The following FHL3 variants were observed in gnomAD, a reference collection of about 807,000 sequenced individuals.
FHL3 encodes the protein four and a half LIM domains protein 3.
In FHL3, 21 loss-of-function variants were observed where a neutral mutation model predicts 34.3. The observed-to-expected ratio is 0.61, with a 90% CI of 0.43 to 0.88. The LOEUF is 0.88. Ranked by LOEUF, FHL3 falls within the 40% of genes least tolerant of loss-of-function variation. FHL3 has a pLI of 0.00. For synonymous variants in FHL3, 137 were observed against 144.6 expected (o/e 0.95, Z 0.38); for missense variants, 333 against 373.7 (o/e 0.89, Z 0.90).
chr1:37,999,499 G>C (rs1646571895), intron 1 of FHL3, 67 bp from the exon 2 acceptor site: 1 of 1,479,240 alleles, frequency 6.8e-7, no homozygotes, highest in Non-Finnish European at 9.3e-7. Context: ...TGGCAAAGAG[G>C]CCTCTGCATT....
In FHL3 at chr1:38,004,906, C is replaced by T. The variant is rs914454917; in HGVS notation, c.-21+451G>A. On this transcript the variant is annotated intron_variant, in intron 1 of 5. Coordinates refer to ENST00000373016, the MANE Select transcript of FHL3 (RefSeq NM_004468.5). ...TGAAAATGCTCCACAAAGCCTAGGA[C>T]GGCCCCCATGCCTCGGGTCTGTCCA... Among the ~76,000 whole-genome samples the T allele has an allele frequency of 1.6e-4, 24 of 152,132 alleles. 1 individual carries two copies. Among genetic ancestry groups the T allele is most frequent in the Admixed American group, 1.4e-3 (21 of 15,284 alleles).
At chr1:37,998,153 A>C (rs1439376258) in intron 3 of FHL3, 21 bp from the exon 4 acceptor site, 1 of 1,611,750 alleles carries the variant, frequency 6.2e-7, no homozygotes, top group Admixed American at 1.7e-5. Flanking sequence ...CAGGGGTCCC[A>C]TTTAGAGGTT....
intron 1 of FHL3, among the ~76,000 whole-genome samples, chr1:38,001,449 T>C (rs994363844): frequency 6.6e-6 from 1 of 152,190 alleles, no homozygotes; most frequent in African/African-American, 2.4e-5. Flanking sequence ...CAGTCAGCAC[T>C]CCGAAACCAG....
In FHL3 at chr1:38,005,459, G is replaced by C. The variant is rs1288799637; in HGVS notation, c.-123C>G. 2 of 150,064 alleles carry C rather than the reference G, an allele frequency of 1.3e-5. No homozygotes were observed. Among genetic ancestry groups the C allele is most frequent in the Non-Finnish European group, 3.0e-5 (2 of 67,038 alleles). The allele number at this position is 150,064 out of a possible 1,614,324, so 9.3% of individuals were successfully genotyped here. A position where few individuals can be genotyped will look rare whatever the true frequency, so the allele number is the denominator to read the frequency against. ...CCTACCTGCGGGCCGGGCCAAGCGG[G>C]GGCCGAGCGAGCTGCCGGCGAGGCT... On this transcript the variant is annotated 5_prime_UTR_variant, in exon 1 of 6. Transcript: ENST00000373016.
intron 3 of FHL3, 161 bp downstream of exon 3, chr1:37,998,813 G>T: frequency 1.4e-6 from 1 of 691,682 alleles, no homozygotes; most frequent in Non-Finnish European, 2.4e-6. Flanking sequence ...GTAGCCCCCA[G>T]GAGTATACCA....
At chr1:38,003,198 C>T (rs751155030) in intron 1 of FHL3, among the ~76,000 whole-genome samples, 2 of 152,026 alleles carry the variant, frequency 1.3e-5, no homozygotes, top group Non-Finnish European at 2.9e-5. Flanking sequence ...CAACTCTGGG[C>T]TCAAGCAAAC....
chr1:37,998,087 C>G lies in FHL3; in HGVS notation c.377G>C (p.Cys126Ser). ...EYGGQTWHEH[C>S]FLCSGCEQPL... is the part of the protein sequence containing the mutation. ...CTGTTCACAGCCACTGCACAGGAAG[C>G]AGTGCTCATGCCATGTCTGGCCTCC... Residue 126 changes from cysteine (C) to serine (S), a missense_variant, in exon 4 of 6, where the codon TGC (cysteine) becomes TCC (serine). Cys to Ser is a moderately radical substitution (Grantham distance 112, BLOSUM62 -1). Transcript: ENST00000373016. 1 of 1,614,100 alleles carries G rather than the reference C, an allele frequency of 6.2e-7. No homozygotes were observed. Among genetic ancestry groups the G allele is most frequent in the Non-Finnish European group, 8.5e-7 (1 of 1,179,984 alleles).
chr1:37,997,430 T>C lies in FHL3; in HGVS notation c.818A>G (p.Gln273Arg). The change falls in exon 6 of 6, where the codon CAG (glutamine) becomes CGG (arginine). Residue 273 changes from glutamine to arginine, a missense_variant. Physicochemically the swap from Gln to Arg is conservative, Grantham distance 43. Coordinates refer to ENST00000373016, the MANE Select transcript of FHL3 (RefSeq NM_004468.5). The surrounding 1 kb of genome is among the most constrained non-coding windows in gnomAD (Gnocchi z 4.3). ...TTAGGGCCCTGCCTGGCTACAGCCC[T>C]GGCAGAGCACTTGGTCTCCATCCGG... ...FVPDGDQVLCQGCSQAGP is the reference protein window; with the variant it reads ...FVPDGDQVLCRGCSQAGP The C allele has an allele frequency of 6.2e-7, 1 of 1,613,918 alleles. No homozygotes were observed. The highest frequency in any genetic ancestry group is 8.5e-7 in the Non-Finnish European group (1 of 1,179,916).
At chr1:38,001,480 G>C (rs1646593802) in intron 1 of FHL3, among the ~76,000 whole-genome samples, 1 of 152,192 alleles carries the variant, frequency 6.6e-6, no homozygotes, top group Non-Finnish European at 1.5e-5. Context: ...ATAGGGTATG[G>C]GCATGGCTTC....
rs368545534 is a variant in FHL3 at position 37,997,868 on chromosome 1, C to T, written c.504G>A (p.Thr168=). The T allele has an allele frequency of 1.1e-5, 18 of 1,613,534 alleles. No individual in the cohort carries two copies. The highest frequency in any genetic ancestry group is 1.4e-5 in the Non-Finnish European group (17 of 1,179,654). ...FAPRCARCSK[T]LTQGGVTYRD... ...GGTATGTCACTCCACCCTGTGTCAG[C>T]GTCTGTGGGGGCAGCATCCATTAGT... The change falls in exon 5 of 6, where the codon ACG becomes ACA. Residue 168 remains threonine, a splice_region_variant and synonymous_variant. Transcript: ENST00000373016. The surrounding 1 kb of genome is among the most constrained non-coding windows in gnomAD (Gnocchi z 4.3).
chr1:38,002,180 C>G (rs1218475470), intron 1 of FHL3, among the ~76,000 whole-genome samples: 3 of 151,560 alleles, frequency 2.0e-5, no homozygotes, highest in Non-Finnish European at 4.4e-5. Context: ...CTCACTGCAA[C>G]CTCCACCTCC....
intron 1 of FHL3, among the ~76,000 whole-genome samples, chr1:38,002,289 G>A (rs909442845): frequency 1.3e-5 from 2 of 151,906 alleles, no homozygotes; most frequent in South Asian, 2.1e-4. Context: ...TAGTAGAGAC[G>A]GGGTTTCACT....
At chr1:38,004,844 G>C (rs1171657868) in intron 1 of FHL3, among the ~76,000 whole-genome samples, 1 of 152,186 alleles carries the variant, frequency 6.6e-6, no homozygotes, top group Non-Finnish European at 1.5e-5. Flanking sequence ...AAGGGCCCTA[G>C]GGAATGTGTT....
chr1:38,002,777 G>GTT (rs552121718), intron 1 of FHL3, among the ~76,000 whole-genome samples: 7 of 140,154 alleles, frequency 5.0e-5, no homozygotes, highest in African/African-American at 1.8e-4. Context: ...CAGCCTTTTT[G>GTT]TTTTTTTTTT....
intron 1 of FHL3, among the ~76,000 whole-genome samples, chr1:38,002,074 G>A (rs1460318405): frequency 6.6e-6 from 1 of 151,388 alleles, no homozygotes; most frequent in Non-Finnish European, 1.5e-5. Flanking sequence ...TTCACAGGCA[G>A]GTCTGGGTCA....
In FHL3 at chr1:37,998,052, A is replaced by C. The variant is rs1441406915; in HGVS notation, c.412T>G (p.Ser138Ala). Residue 138 changes from serine (S) to alanine (A), a missense_variant, in exon 4 of 6, where the codon TCC becomes GCC. Ser to Ala is a moderately conservative substitution (Grantham distance 99). Coordinates refer to ENST00000373016, the MANE Select transcript of FHL3 (RefSeq NM_004468.5). Reference sequence around the variant, plus strand: ...CCCTTGTCGGGCACAAAAGAACGGGAGCCCAGTGGCTGTTCACAGCCACTG... The same window carrying C: ...CCCTTGTCGGGCACAAAAGAACGGGCGCCCAGTGGCTGTTCACAGCCACTG... ...LCSGCEQPLG[S>A]RSFVPDKGAH... 6.2e-7 allele frequency: 1 copy of C among 1,614,074 alleles called. No individual in the cohort carries two copies. Among genetic ancestry groups the C allele is most frequent in the Admixed American group, 1.7e-5 (1 of 60,024 alleles).
rs991196451 is a variant in FHL3 at position 37,999,090 on chromosome 1, T to G, written c.215A>C (p.Gln72Pro). The stretch of plus-strand genomic sequence containing the variant: ...GAAGGGTTCATCGGCTAGTGAGCGC[T>G]GGCAGCGGCAGCAGCGGAAGCAGCC... ...HEGCFRCCRC[Q>P]RSLADEPFTC... Residue 72 changes from glutamine (Q) to proline (P), a missense_variant, in exon 3 of 6, where the codon CAG becomes CCG. Coordinates refer to ENST00000373016, the MANE Select transcript of FHL3 (RefSeq NM_004468.5). 1.2e-6 allele frequency: 2 copies of G among 1,614,204 alleles called. No homozygotes were observed. The highest frequency in any genetic ancestry group is 2.2e-5 in the South Asian group (2 of 91,092).
intron 1 of FHL3, among the ~76,000 whole-genome samples, chr1:37,999,705 G>A (rs1012514209): frequency 3.3e-5 from 5 of 152,120 alleles, no homozygotes; most frequent in African/African-American, 9.7e-5. Flanking sequence ...AGGGGGAGGG[G>A]GCTTTTCCTG....
Position 37,997,809 on chromosome 1 carries a change from C to A in FHL3, c.563G>T (p.Cys188Phe), listed in dbSNP as rs767755136. 5.0e-6 allele frequency: 8 copies of A among 1,614,108 alleles called. No individual in the cohort carries two copies. In the South Asian group the frequency reaches 5.5e-5, roughly 11 times the overall value. Residue 188 changes from cysteine to phenylalanine, a missense_variant, in exon 5 of 6, where the codon TGT (cysteine) becomes TTT (phenylalanine). Cys to Phe is a radical substitution (Grantham distance 205). Coordinates refer to ENST00000373016, the MANE Select transcript of FHL3 (RefSeq NM_004468.5). The surrounding 1 kb of genome is among the most constrained non-coding windows in gnomAD (Gnocchi z 4.3). The part of the protein sequence containing the change: ...DQPWHRECLV[C>F]TGCQTPLAGQ... ...TGCCAGGGGCGTCTGGCATCCGGTA[C>A]AGACCAGACATTCTCGATGCCACGG... is the stretch of plus-strand genomic sequence containing the variant.
Sources: allele counts gnomAD v4.1 joint callset (sites outside exome capture counted in the v4.1 genomes callset), GRCh38; gene constraint gnomAD v4.1.1; non-coding constraint Gnocchi (gnomAD v3.1); transcripts MANE v1.5; gene names NCBI Gene and HGNC (gene_info 2026-07-23, HGNC 2026-07-21).